Variants in BIRC3 observed in about 807,000 individuals in gnomAD.
BIRC3 encodes baculoviral IAP repeat containing 3.
In BIRC3, 26 loss-of-function variants were observed where a neutral mutation model predicts 59.0. That is an observed-to-expected ratio of 0.44 (90% confidence interval 0.32 to 0.61). BIRC3 has a LOEUF of 0.61. BIRC3 is among the 20% of genes least tolerant of loss of function. The pLI is 0.04. For missense variants in BIRC3, 641 were observed against 711.5 expected (o/e 0.90, Z 1.13); for synonymous variants, 243 against 249.2 (o/e 0.98, Z 0.24).
chr11:102,337,491 G>A lies in BIRC3; in HGVS notation c.*389G>A, dbSNP rs1951209118. The A allele has an allele frequency of 2.5e-6, 1 of 394,844 alleles. No individual in the cohort carries two copies. The highest frequency in any genetic ancestry group is 4.5e-6 in the Non-Finnish European group (1 of 223,768). The allele number at this position is 394,844 out of a possible 1,614,324, so 24.5% of individuals were successfully genotyped here. On this transcript the variant is annotated 3_prime_UTR_variant, in exon 9 of 9. Coordinates refer to ENST00000263464, the MANE Select transcript of BIRC3 (RefSeq NM_001165.5). ...TGGTGGTATGTGCCTGTAGTCCCAG[G>A]CTGAGGCAAGAGAATTACTTGAGCC...
rs1309624916 is a variant in BIRC3, at chr11:102,330,987, T to C, written c.1082-12T>C. On this transcript the variant is annotated splice_polypyrimidine_tract_variant and intron_variant, in intron 5 of 8. Transcript: ENST00000263464. ...CTATCCTAATATGTGTTAAATTCTTTGTTCCATATAGTTATCCATTTTGAA... is the reference window on the plus strand; with the variant it reads ...CTATCCTAATATGTGTTAAATTCTTCGTTCCATATAGTTATCCATTTTGAA... 1 of 1,588,414 alleles carries C rather than the reference T, an allele frequency of 6.3e-7. No individual in the cohort carries two copies. Among genetic ancestry groups the C allele is most frequent in the Admixed American group, 1.9e-5 (1 of 53,224 alleles).
intron 5 of BIRC3, among the ~76,000 whole-genome samples, chr11:102,329,710 T>C (rs1175355539): frequency 6.6e-6 from 1 of 152,138 alleles, no homozygotes; most frequent in Non-Finnish European, 1.5e-5. Flanking sequence ...CACCGCATGT[T>C]CTCACTCATA....
At chr11:102,321,101 A>G (rs1417584007) in intron 1 of BIRC3, among the ~76,000 whole-genome samples, 1 of 152,258 alleles carries the variant, frequency 6.6e-6, no homozygotes, top group South Asian at 2.1e-4. Flanking sequence ...ATTAAATTCA[A>G]ATGAGGCATG....
intron 5 of BIRC3, 36 bp downstream of exon 5, chr11:102,328,981 A>G (rs1484309789): frequency 8.2e-7 from 1 of 1,214,576 alleles, no homozygotes; most frequent in Non-Finnish European, 1.1e-6. Context: ...GCATTTAAAT[A>G]GAGTCATTTG....
Position 102,328,128 on chromosome 11 carries a change from C to A in BIRC3, c.1030C>A (p.Gln344Lys). The A allele has an allele frequency of 6.2e-7, 1 of 1,604,210 alleles. No homozygotes were observed. The highest frequency in any genetic ancestry group is 8.5e-7 in the Non-Finnish European group (1 of 1,176,864). ...AGCCAGTTACCCTCATCTACTTGAA[C>A]AGGTAGGGCAAGTTCTTTTTTTAAA... ...VQASYPHLLE[Q>K]LLSTSDSPGD... Residue 344 changes from glutamine (Q) to lysine (K), a missense_variant and splice_region_variant, in exon 4 of 9, where the codon CAG (glutamine) becomes AAG (lysine). Gln to Lys is a moderately conservative substitution (Grantham distance 53, BLOSUM62 1). Transcript: ENST00000263464.
At chr11:102,328,396 A>G (rs943369614) in intron 4 of BIRC3, among the ~76,000 whole-genome samples, 2 of 152,232 alleles carry the variant, frequency 1.3e-5, no homozygotes, top group Non-Finnish European at 2.9e-5. Flanking sequence ...CTGGGATAGT[A>G]GTATTTAACA....
rs1591525882 is a variant in BIRC3 at position 102,336,113 on chromosome 11, A to C, written c.1472A>C (p.Gln491Pro). 4 of 1,613,978 alleles carry C rather than the reference A, an allele frequency of 2.5e-6. No individual in the cohort carries two copies. Among genetic ancestry groups the C allele is most frequent in the Non-Finnish European group, 3.4e-6 (4 of 1,179,948 alleles). Reference sequence around the variant, plus strand: ...AAACAGAAGACACAGACGTCTTTACAAGCAAGAGAACTGATTGATACGATT... The same window carrying C: ...AAACAGAAGACACAGACGTCTTTACCAGCAAGAGAACTGATTGATACGATT... ...VIKQKTQTSL[Q>P]ARELIDTILV... Residue 491 changes from glutamine (Q) to proline (P), a missense_variant, in exon 7 of 9, where the codon CAA (glutamine) becomes CCA (proline). Physicochemically the swap from Gln to Pro is moderately conservative, Grantham distance 76 (BLOSUM62 -1). Around this residue, in one of 4 missense-constraint regions of BIRC3, gnomAD observed 268 missense variants for 255.7 expected, o/e 1.05. Transcript: ENST00000263464.
chr11:102,337,202 T>C lies in BIRC3; in HGVS notation c.*100T>C. On this transcript the variant is annotated 3_prime_UTR_variant, in exon 9 of 9. Coordinates refer to ENST00000263464, the MANE Select transcript of BIRC3 (RefSeq NM_001165.5). ...TTGGTTTCCTTAAAATTTTTATTTA[T>C]TTACAACTCAAAAAACATTGTTTTG... 1.2e-6 allele frequency: 1 copy of C among 863,118 alleles called. No homozygotes were observed. Among genetic ancestry groups the C allele is most frequent in the Non-Finnish European group, 1.6e-6 (1 of 622,492 alleles). The allele number at this position is 863,118 out of a possible 1,614,324, so 53.5% of individuals were successfully genotyped here.
At position 102,325,124 on chromosome 11, in the gene BIRC3, C is replaced by CT; in HGVS notation, c.618dup (p.Ala207CysfsTer14). ...TAGGACCTGGAGACAGAGTGGCTTG[C>CT]TTTGCCTGTGGTGGAAAATTGAGCA... is the stretch of plus-strand genomic sequence containing the variant. On this transcript the variant is annotated frameshift_variant, in exon 2 of 9. Transcript: ENST00000263464. LOFTEE classifies it high-confidence loss of function. The CT allele has an allele frequency of 6.2e-7, 1 of 1,614,170 alleles. No homozygotes were observed. Among genetic ancestry groups the CT allele is most frequent in the Non-Finnish European group, 8.5e-7 (1 of 1,180,014 alleles).
rs1421054678 is a variant in BIRC3, at chr11:102,324,385, A to G, written c.-125A>G. ...TTGAAACTCTAAATGCATAGAAATA[A>G]AAATAATAAAAAATTTTTCATTTTG... On this transcript the variant is annotated 5_prime_UTR_variant, in exon 2 of 9. Coordinates refer to ENST00000263464, the MANE Select transcript of BIRC3 (RefSeq NM_001165.5). 1.8e-6 allele frequency: 2 copies of G among 1,119,180 alleles called. No individual in the cohort carries two copies. The highest frequency in any genetic ancestry group is 5.3e-5 in the East Asian group (2 of 38,016). The allele number at this position is 1,119,180 out of a possible 1,614,324, so 69.3% of individuals were successfully genotyped here.
chr11:102,321,795 C>T (rs780982097), intron 1 of BIRC3, 42 bp from the exon 2 acceptor site: 6 of 176,056 alleles, frequency 3.4e-5, no homozygotes. Context: ...ATCCATGAGT[C>T]GTTTGAGTTT....
In BIRC3 at chr11:102,337,261, G is replaced by T; in HGVS notation, c.*159G>T. ...ATTTATATATGTATCTAAACCATAT[G>T]AACATATATTTTTTAGAAACTAAGA... On this transcript the variant is annotated 3_prime_UTR_variant, in exon 9 of 9. Transcript: ENST00000263464. 2.1e-6 allele frequency: 1 copy of T among 479,892 alleles called. No homozygotes were observed. The highest frequency in any genetic ancestry group is 9.2e-5 in the South Asian group (1 of 10,920). The allele number at this position is 479,892 out of a possible 1,614,324, so 29.7% of individuals were successfully genotyped here.
chr11:102,326,388 T>C (rs1951080924), intron 3 of BIRC3, among the ~76,000 whole-genome samples: 1 of 152,218 alleles, frequency 6.6e-6, no homozygotes, highest in Admixed American at 6.5e-5. Context: ...TGTTACCCTT[T>C]TGATTGTTTA....
At position 102,337,417 on chromosome 11, in the gene BIRC3, T is replaced by G. The variant is rs1420552506; in HGVS notation, c.*315T>G. 2.5e-6 allele frequency: 1 copy of G among 403,364 alleles called. No homozygotes were observed. Among genetic ancestry groups the G allele is most frequent in the Non-Finnish European group, 4.3e-6 (1 of 229,948 alleles). The allele number at this position is 403,364 out of a possible 1,614,324, so 25.0% of individuals were successfully genotyped here. ...AGATATTTGAGTTAACCTTTAAGAA[T>G]TTTAAATATTTTGGCATTGTACTAA... is the stretch of plus-strand genomic sequence containing the variant. On this transcript the variant is annotated 3_prime_UTR_variant, in exon 9 of 9. Coordinates refer to ENST00000263464, the MANE Select transcript of BIRC3 (RefSeq NM_001165.5).
At chr11:102,336,265 A>G (rs1228706636) in intron 7 of BIRC3, 45 bp downstream of exon 7, 1 of 1,520,032 alleles carries the variant, frequency 6.6e-7, no homozygotes, top group African/African-American at 1.4e-5. Context: ...AAGTCAATTG[A>G]AAATACGCTC....
At chr11:102,319,278 C>A (rs1317969242) in intron 1 of BIRC3, among the ~76,000 whole-genome samples, 1 of 151,868 alleles carries the variant, frequency 6.6e-6, no homozygotes, top group Admixed American at 6.6e-5. Context: ...AGTCTCCTGA[C>A]CTCGTGATCC....
rs752021999 is a variant in BIRC3, at chr11:102,323,330, G to A, written c.-1180G>A. ...AAAGTAACCTGAATATAGCAATGAA[G>A]TTCAGTTTTGTTATTGGTAGTTTGG... On this transcript the variant is annotated 5_prime_UTR_variant, in exon 2 of 9. Coordinates refer to ENST00000263464, the MANE Select transcript of BIRC3 (RefSeq NM_001165.5). 3.6e-5 allele frequency: 7 copies of A among 192,926 alleles called. No homozygotes were observed. Among genetic ancestry groups the A allele is most frequent in the Non-Finnish European group, 6.5e-5 (6 of 92,380 alleles). 12.0% of individuals were successfully genotyped at this position (192,926 alleles called of 1,614,324 possible). A position where few individuals can be genotyped will look rare whatever the true frequency, so the allele number is the denominator to read the frequency against.
intron 7 of BIRC3, 70 bp downstream of exon 7, chr11:102,336,290 T>C (rs547370129): frequency 2.2e-4 from 317 of 1,465,208 alleles, no homozygotes; most frequent in Non-Finnish European, 2.8e-4. Context: ...TAATAATTTA[T>C]GACTACTGAA....
chr11:102,328,183 T>A, intron 4 of BIRC3, 53 bp downstream of exon 4: 1 of 1,381,180 alleles, frequency 7.2e-7, no homozygotes, highest in Non-Finnish European at 1.0e-6. Context: ...AATTGCTTTC[T>A]GATAATTACA....
Sources: allele counts gnomAD v4.1 joint callset (sites outside exome capture counted in the v4.1 genomes callset), GRCh38; gene constraint gnomAD v4.1.1; regional missense constraint gnomAD v4.1.1; transcripts MANE v1.5; gene names NCBI Gene and HGNC (gene_info 2026-07-23, HGNC 2026-07-21).